Variants in CMC2 observed in about 807,000 individuals in gnomAD.
The protein encoded by CMC2 is COX assembly mitochondrial protein 2 homolog.
A neutral mutation model predicts 7.5 loss-of-function variants in CMC2; 5 were observed. That is an observed-to-expected ratio of 0.66 (90% confidence interval 0.35 to 1.40). The LOEUF (loss-of-function observed/expected upper bound fraction) is 1.40. Ranked by LOEUF, CMC2 falls within the 40% of genes most tolerant of loss-of-function variation. The probability of loss-of-function intolerance (pLI) is 0.04; values close to 1 mark genes in which losing one functional copy is unlikely to be tolerated. For missense variants in CMC2, 115 were observed against 92.3 expected (o/e 1.25, Z -1.01); for synonymous variants, 37 against 31.4 (o/e 1.18, Z -0.60).
In CMC2 at chr16:81,006,882, G is replaced by C. The variant is rs552689980; in HGVS notation, c.-184C>G. ...CCTCCACCGCTCCACCGTGCTCCCG[G>C]CTCCTCGCCCCCGCCGCCCGCGGGC... On this transcript the variant is annotated 5_prime_UTR_variant, in exon 1 of 4. Transcript: ENST00000219400. 5 of 985,552 alleles carry C rather than the reference G, an allele frequency of 5.1e-6. No homozygotes were observed. Among genetic ancestry groups the C allele is most frequent in the Non-Finnish European group, 6.0e-6 (5 of 830,004 alleles). The allele number at this position is 985,552 out of a possible 1,614,324, so 61.1% of individuals were successfully genotyped here. A position where few individuals can be genotyped will look rare whatever the true frequency, so the allele number is the denominator to read the frequency against.
At chr16:80,997,107 C>T (rs1394874119) in intron 2 of CMC2, 1 of 579,528 alleles carries the variant, frequency 1.7e-6, no homozygotes, top group Non-Finnish European at 3.1e-6. Context: ...TAACAAACTA[C>T]CATGTCTGAT....
At chr16:80,992,664 G>A (rs1005442970) in intron 2 of CMC2, among the ~76,000 whole-genome samples, 3 of 143,286 alleles carry the variant, frequency 2.1e-5, no homozygotes, top group Non-Finnish European at 4.5e-5. Flanking sequence ...TCATGCTTTT[G>A]CTCATTTTTC....
At chr16:80,976,852 T>C (rs1408539093) in intron 3 of CMC2, among the ~76,000 whole-genome samples, 1 of 152,224 alleles carries the variant, frequency 6.6e-6, no homozygotes, top group Non-Finnish European at 1.5e-5. Flanking sequence ...ACATTGCTAG[T>C]TTCCACAACT....
At chr16:80,978,839 T>C (rs1398808823) in intron 3 of CMC2, among the ~76,000 whole-genome samples, 3 of 152,096 alleles carry the variant, frequency 2.0e-5, no homozygotes, top group African/African-American at 7.2e-5. Flanking sequence ...CCCAGCACTT[T>C]AGGAGGCCAA....
At chr16:80,986,984 G>A (rs978531233) in intron 2 of CMC2, among the ~76,000 whole-genome samples, 2 of 152,180 alleles carry the variant, frequency 1.3e-5, no homozygotes, top group Non-Finnish European at 2.9e-5. Context: ...GGAAAACCAG[G>A]GAAGAGAAAG....
intron 3 of CMC2, chr16:80,978,216 C>T (rs1418551497): frequency 9.9e-7 from 1 of 1,007,588 alleles, no homozygotes; most frequent in Non-Finnish European, 1.2e-6. Flanking sequence ...AGGATACCTG[C>T]TCTGAGAAAA....
chr16:80,992,704 C>CTTTTTTTTTT (rs1567523554), intron 2 of CMC2, among the ~76,000 whole-genome samples: 1 of 127,448 alleles, frequency 7.8e-6, no homozygotes, highest in African/African-American at 3.4e-5. Flanking sequence ...TATTCCCCCT[C>CTTTTTTTTTT]CTTTTTTTTT....
intron 3 of CMC2, chr16:80,980,845 CT>C: frequency 2.9e-6 from 2 of 700,080 alleles, no homozygotes; most frequent in Non-Finnish European, 5.2e-6. Context: ...TACGATCACC[CT>C]ACTGCACTCC....
Position 80,971,690 on chromosome 16 carries a change from G to C in CMC2, c.*4403C>G, listed in dbSNP as rs1366226121. 6.6e-6 allele frequency: 1 copy of C among 150,484 alleles called. No individual in the cohort carries two copies. The highest frequency in any genetic ancestry group is 2.5e-5 in the African/African-American group (1 of 40,506). The allele number at this position is 150,484 out of a possible 1,614,324, so 9.3% of individuals were successfully genotyped here. On this transcript the variant is annotated 3_prime_UTR_variant, in exon 4 of 4. Transcript: ENST00000219400. ...ACCAATAAAGAAATAAGTGGAACGG[G>C]CTTGGGGTGACAAACACAGGAGGCT...
At chr16:80,996,769 G>C (rs577745328) in intron 2 of CMC2, among the ~76,000 whole-genome samples, 5 of 152,296 alleles carry the variant, frequency 3.3e-5, no homozygotes, top group African/African-American at 1.2e-4. Flanking sequence ...AAAAATGTCA[G>C]CTTGATTTAA....
intron 2 of CMC2, among the ~76,000 whole-genome samples, chr16:80,992,524 G>A (rs186933550): frequency 2.6e-5 from 4 of 152,168 alleles, no homozygotes; most frequent in East Asian, 1.9e-4. Context: ...CTGTCACACT[G>A]TTTAATTTGG....
chr16:81,001,148 T>C (rs1968833365), intron 1 of CMC2: 1 of 152,138 alleles, frequency 6.6e-6, no homozygotes, highest in Non-Finnish European at 1.5e-5. Flanking sequence ...AAACACTGGA[T>C]ACTCACAGAC....
chr16:80,983,470 C>A (rs1175371753), intron 2 of CMC2: 2 of 152,200 alleles, frequency 1.3e-5, no homozygotes, highest in Non-Finnish European at 2.9e-5. Context: ...AAAGTTTTAT[C>A]ATAACCTAAC....
chr16:80,987,951 G>A (rs1052749088), intron 2 of CMC2, among the ~76,000 whole-genome samples: 1 of 151,990 alleles, frequency 6.6e-6, no homozygotes, highest in African/African-American at 2.4e-5. Flanking sequence ...CAAGGTAGGA[G>A]GACAGCTTGA....
At chr16:80,990,887 A>G (rs1967941849) in intron 2 of CMC2, among the ~76,000 whole-genome samples, 1 of 151,936 alleles carries the variant, frequency 6.6e-6, no homozygotes, top group African/African-American at 2.4e-5. Flanking sequence ...ATCTAGTGAC[A>G]TAATTTTTTT....
chr16:80,978,898 G>A (rs183685593), intron 3 of CMC2, among the ~76,000 whole-genome samples: 19 of 152,032 alleles, frequency 1.2e-4, no homozygotes, highest in South Asian at 1.0e-3. Flanking sequence ...TAGCTAACAC[G>A]GTGAAGCCCC....
At chr16:80,976,503 A>C (rs561407707) in intron 3 of CMC2, among the ~76,000 whole-genome samples, 5 of 152,370 alleles carry the variant, frequency 3.3e-5, no homozygotes, top group Middle Eastern at 6.8e-3. Context: ...GAAGATGGGC[A>C]AATTCTGTCC....
At position 80,997,310 on chromosome 16, in the gene CMC2, T is replaced by C. The variant is rs1304102428; in HGVS notation, c.81+4A>G. On this transcript the variant is annotated splice_donor_region_variant and intron_variant, in intron 2 of 3. Coordinates refer to ENST00000219400, the MANE Select transcript of CMC2 (RefSeq NM_020188.5). Reference sequence around the variant, plus strand: ...GCTGTACAGTCGTTTTTCTGAACTCTTACATTTTTGTGACATTCCTTAAGC... The same window carrying C: ...GCTGTACAGTCGTTTTTCTGAACTCCTACATTTTTGTGACATTCCTTAAGC... 7.9e-7 allele frequency: 1 copy of C among 1,273,868 alleles called. No individual in the cohort carries two copies. Among genetic ancestry groups the C allele is most frequent in the Non-Finnish European group, 1.1e-6 (1 of 885,456 alleles). The allele number at this position is 1,273,868 out of a possible 1,614,324, so 78.9% of individuals were successfully genotyped here. A position where few individuals can be genotyped will look rare whatever the true frequency, so the allele number is the denominator to read the frequency against.
chr16:81,002,744 G>A (rs1968962193), intron 1 of CMC2, among the ~76,000 whole-genome samples: 1 of 152,110 alleles, frequency 6.6e-6, no homozygotes, highest in African/African-American at 2.4e-5. Flanking sequence ...TCAGGGTAGG[G>A]TACCAATAAA....
Sources: gnomAD v4.1 joint callset for allele counts (sites outside exome capture counted in the v4.1 genomes callset) on GRCh38, gnomAD v4.1.1 for gene constraint, MANE v1.5 for transcripts, NCBI Gene and HGNC (gene_info 2026-07-23, HGNC 2026-07-21) for gene names.